The following EXOC2 variants were observed in gnomAD, a reference collection of about 807,000 sequenced individuals.
EXOC2 encodes the protein SEC5-like 1.
In EXOC2, 70 loss-of-function variants were observed where a neutral mutation model predicts 131.8. The observed-to-expected ratio is 0.53, with a 90% CI of 0.44 to 0.65. The LOEUF (loss-of-function observed/expected upper bound fraction) is 0.65, where lower values mean the gene tolerates loss of function less well. Among genes scored for constraint, EXOC2 ranks in the 30% least tolerant of loss-of-function variants. The probability of loss-of-function intolerance (pLI) is 0.00; values close to 1 mark genes in which losing one functional copy is unlikely to be tolerated. For synonymous variants in EXOC2, 411 were observed against 398.4 expected (o/e 1.03, Z -0.38); for missense variants, 923 against 1,108.6 (o/e 0.83, Z 2.38).
chr6:539,691 A>G (rs1766694868), intron 22 of EXOC2, among the ~76,000 whole-genome samples: 1 of 152,186 alleles, frequency 6.6e-6, no homozygotes, highest in Non-Finnish European at 1.5e-5. Context: ...TTTGATAATA[A>G]TGTTTTTTAA....
chr6:497,064 G>A (rs902548736), intron 25 of EXOC2, among the ~76,000 whole-genome samples: 6 of 152,114 alleles, frequency 3.9e-5, no homozygotes, highest in Non-Finnish European at 5.9e-5. Context: ...AATTTCCTGC[G>A]GAATGGAATG....
intron 1 of EXOC2, chr6:656,661 G>C (rs755663682): frequency 6.2e-7 from 1 of 1,606,904 alleles, no homozygotes. Flanking sequence ...GGACGCGCCC[G>C]CTGCGCTTCT....
intron 26 of EXOC2, among the ~76,000 whole-genome samples, chr6:489,497 T>G (rs1426234457): frequency 6.6e-6 from 1 of 152,220 alleles, no homozygotes; most frequent in African/African-American, 2.4e-5. Flanking sequence ...TTGTAATAAT[T>G]ACAGTCTACT....
rs753514689 is a variant in EXOC2, at chr6:656,734, C to T, written c.-43-18873G>A. The T allele has an allele frequency of 1.9e-6, 3 of 1,592,736 alleles. No individual in the cohort carries two copies. In the Admixed American group the frequency reaches 5.2e-5, roughly 28 times the overall value. On this transcript the variant is annotated intron_variant, in intron 1 of 27. Coordinates refer to ENST00000230449, the MANE Select transcript of EXOC2 (RefSeq NM_018303.6). ...TGGATCTCATCGAGATCTTCCGAGA[C>T]ACCTTCCATGCGAAACTGCTGGAAG...
chr6:611,413 T>C (rs1760708097), intron 6 of EXOC2, among the ~76,000 whole-genome samples: 1 of 152,224 alleles, frequency 6.6e-6, no homozygotes, highest in African/African-American at 2.4e-5. Context: ...GCTCCACAGG[T>C]TGCTTTCTAA....
At chr6:635,187 A>G (rs1191908959) in intron 2 of EXOC2, among the ~76,000 whole-genome samples, 1 of 152,224 alleles carries the variant, frequency 6.6e-6, no homozygotes, top group Non-Finnish European at 1.5e-5. Flanking sequence ...TAAAGGAAAA[A>G]AGTCATCCCT....
chr6:635,110 T>C (rs369180079), intron 2 of EXOC2, among the ~76,000 whole-genome samples: 1 of 152,212 alleles, frequency 6.6e-6, no homozygotes, highest in East Asian at 1.9e-4. Context: ...TTAACCCACT[T>C]CAGAATGAAG....
chr6:539,705 T>G (rs1581394609), intron 22 of EXOC2, among the ~76,000 whole-genome samples: 1 of 152,226 alleles, frequency 6.6e-6, no homozygotes, highest in East Asian at 1.9e-4. Flanking sequence ...TTTTTAAAAA[T>G]TATGCTTCCA....
intron 3 of EXOC2, among the ~76,000 whole-genome samples, chr6:631,565 A>G (rs915943106): frequency 7.2e-5 from 11 of 152,040 alleles, no homozygotes; most frequent in Non-Finnish European, 1.5e-4. Context: ...AAAAAAAAAA[A>G]GAAACCTTTA....
intron 1 of EXOC2, among the ~76,000 whole-genome samples, chr6:649,820 A>G (rs1272882402): frequency 6.6e-6 from 1 of 152,234 alleles, no homozygotes. Flanking sequence ...GGATATAAGA[A>G]AGCACTTTAA....
chr6:526,465 A>T, intron 23 of EXOC2, among the ~76,000 whole-genome samples: 1 of 104,002 alleles, frequency 9.6e-6, no homozygotes, highest in Admixed American at 1.4e-4. Context: ...TTTGAGACAG[A>T]GTTTCGCTCT....
At chr6:616,913 G>C (rs1321967084) in intron 6 of EXOC2, among the ~76,000 whole-genome samples, 3 of 151,680 alleles carry the variant, frequency 2.0e-5, no homozygotes. Context: ...CTAATTTTTT[G>C]TATTTTTAGT....
intron 22 of EXOC2, among the ~76,000 whole-genome samples, chr6:542,160 CA>C (rs1756592640): frequency 6.6e-6 from 1 of 152,196 alleles, no homozygotes; most frequent in Non-Finnish European, 1.5e-5. Flanking sequence ...CACAAGTGGA[CA>C]TAAGGCCTCT....
intron 6 of EXOC2, among the ~76,000 whole-genome samples, chr6:615,176 G>GGGGGGTGTGT (rs1554137926): frequency 9.6e-6 from 1 of 103,784 alleles, no homozygotes; most frequent in South Asian, 3.2e-4. Flanking sequence ...AGTATATGTG[G>GGGGGGTGTGT]GTGTGGGTGT....
intron 1 of EXOC2, among the ~76,000 whole-genome samples, chr6:685,869 C>CTTTT (rs58892194): frequency 8.1e-5 from 8 of 98,262 alleles, no homozygotes; most frequent in South Asian, 3.3e-4. Context: ...TCCTGGACCT[C>CTTTT]TTTTTTTTTT....
chr6:595,382 C>T (rs1250679591), intron 10 of EXOC2, among the ~76,000 whole-genome samples: 1 of 151,928 alleles, frequency 6.6e-6, no homozygotes, highest in Non-Finnish European at 1.5e-5. Context: ...TATTTCTTAG[C>T]GACTAAAAAT....
In EXOC2 at chr6:499,772, G is replaced by A. The variant is rs1434664139; in HGVS notation, c.2381-72C>T. 5 of 1,251,126 alleles carry A rather than the reference G, an allele frequency of 4.0e-6. No individual in the cohort carries two copies. The East Asian group carries it at 1.2e-4, about 29-fold the overall frequency. The allele number at this position is 1,251,126 out of a possible 1,614,324, so 77.5% of individuals were successfully genotyped here. ...AGCTCCCCTCCCCTGCTGGCAGGCT[G>A]TACCCCATGCTTTAGAGTTTTCTGA... On this transcript the variant is annotated intron_variant, in intron 23 of 27. Transcript: ENST00000230449.
chr6:576,994 C>G, intron 11 of EXOC2, 112 bp from the exon 12 acceptor site: 1 of 868,768 alleles, frequency 1.2e-6, no homozygotes, highest in Non-Finnish European at 1.7e-6. Context: ...TTGCTCCACT[C>G]TTAAATAAGG....
intron 11 of EXOC2, among the ~76,000 whole-genome samples, 177 bp from the exon 12 acceptor site, chr6:577,059 C>A (rs1175406619): frequency 6.6e-6 from 1 of 152,134 alleles, no homozygotes; most frequent in Non-Finnish European, 1.5e-5. Flanking sequence ...AAAAGTCATT[C>A]TCAGTTCAGC....
Sources: allele counts gnomAD v4.1 joint callset (sites outside exome capture counted in the v4.1 genomes callset), GRCh38; gene constraint gnomAD v4.1.1; transcripts MANE v1.5; gene names NCBI Gene and HGNC (gene_info 2026-07-23, HGNC 2026-07-21).